GJB7: variants seen among roughly 807,000 people sequenced by gnomAD.
GJB7 encodes gap junction protein beta 7.
For synonymous variants in GJB7, 87 were observed against 95.2 expected (o/e 0.91, Z 0.50); for missense variants, 253 against 256.8 (o/e 0.99, Z 0.10).
chr6:87,298,601 C>CA (rs1005563026), intron 2 of GJB7, among the ~76,000 whole-genome samples: 8 of 151,920 alleles, frequency 5.3e-5, no homozygotes, highest in Admixed American at 2.0e-4. Context: ...CAAAACAAAA[C>CA]AAAAAAATAC....
chr6:87,307,952 A>C (rs1192945622), intron 2 of GJB7, among the ~76,000 whole-genome samples: 1 of 152,216 alleles, frequency 6.6e-6, no homozygotes, highest in East Asian at 1.9e-4. Context: ...CACTATTCAC[A>C]ATAACAAAGA....
intron 2 of GJB7, among the ~76,000 whole-genome samples, chr6:87,306,104 G>A (rs1313678818): frequency 1.3e-5 from 2 of 151,778 alleles, no homozygotes; most frequent in Non-Finnish European, 2.9e-5. Flanking sequence ...TACCATTCAG[G>A]ACATAGGCAT....
intron 1 of GJB7, among the ~76,000 whole-genome samples, chr6:87,328,333 T>A: frequency 6.6e-6 from 1 of 152,138 alleles, no homozygotes; most frequent in Non-Finnish European, 1.5e-5. Context: ...GCACTCTGCT[T>A]TTTAGAGTTT....
intron 2 of GJB7, among the ~76,000 whole-genome samples, chr6:87,287,052 T>G (rs916871918): frequency 6.6e-6 from 1 of 152,202 alleles, no homozygotes; most frequent in African/African-American, 2.4e-5. Context: ...GCCAACCCTG[T>G]CCCCTACCAT....
At chr6:87,304,455 C>A (rs1201289588) in intron 2 of GJB7, among the ~76,000 whole-genome samples, 2 of 152,120 alleles carry the variant, frequency 1.3e-5, no homozygotes, top group South Asian at 2.1e-4. Flanking sequence ...GACACATACA[C>A]CCTCCCAAGA....
chr6:87,301,932 T>C (rs1401382802), intron 2 of GJB7, among the ~76,000 whole-genome samples: 1 of 152,148 alleles, frequency 6.6e-6, no homozygotes, highest in Non-Finnish European at 1.5e-5. Flanking sequence ...CAGGAGTGGA[T>C]CTCCAGCAAA....
chr6:87,321,632 T>C (rs1776664096), intron 2 of GJB7, among the ~76,000 whole-genome samples: 1 of 152,162 alleles, frequency 6.6e-6, no homozygotes, highest in Non-Finnish European at 1.5e-5. Context: ...GGGTTGGTGA[T>C]GGTGGTGCTT....
intron 2 of GJB7, among the ~76,000 whole-genome samples, chr6:87,317,522 C>A (rs559758750): frequency 6.6e-6 from 1 of 151,674 alleles, no homozygotes; most frequent in Non-Finnish European, 1.5e-5. Flanking sequence ...CTCCGCCTCC[C>A]GGGTTCAAGC....
chr6:87,286,365 C>A (rs1776059500), intron 2 of GJB7, among the ~76,000 whole-genome samples: 2 of 152,184 alleles, frequency 1.3e-5, no homozygotes, highest in African/African-American at 4.8e-5. Context: ...TCTCTCATGA[C>A]CTTTTTAATT....
At chr6:87,297,217 T>C (rs1776259391) in intron 2 of GJB7, among the ~76,000 whole-genome samples, 2 of 152,230 alleles carry the variant, frequency 1.3e-5, no homozygotes, top group Admixed American at 1.3e-4. Flanking sequence ...TGGTTCACAT[T>C]CAATCATATT....
intron 2 of GJB7, among the ~76,000 whole-genome samples, chr6:87,287,580 G>A: frequency 6.6e-6 from 1 of 151,998 alleles, no homozygotes; most frequent in Non-Finnish European, 1.5e-5. Flanking sequence ...TAAATAAAAA[G>A]GATTCTTAAG....
intron 2 of GJB7, among the ~76,000 whole-genome samples, chr6:87,313,330 C>A (rs1454895941): frequency 3.3e-5 from 5 of 152,184 alleles, no homozygotes; most frequent in African/African-American, 1.2e-4. Flanking sequence ...TTATGGGACA[C>A]CCTTTTAGGA....
chr6:87,285,083 G>A (rs1383693223), intron 2 of GJB7, 144 bp from the exon 3 acceptor site: 1 of 606,400 alleles, frequency 1.6e-6, no homozygotes. Context: ...AATCCCGAAG[G>A]ATATGCTGTC....
At chr6:87,309,729 C>T (rs2127907187) in intron 2 of GJB7, among the ~76,000 whole-genome samples, 1 of 152,200 alleles carries the variant, frequency 6.6e-6, no homozygotes, top group East Asian at 1.9e-4. Flanking sequence ...TTTCTGGTGG[C>T]TGTAAGACAG....
intron 2 of GJB7, among the ~76,000 whole-genome samples, chr6:87,285,569 T>A (rs1182390279): frequency 6.6e-6 from 1 of 152,208 alleles, no homozygotes; most frequent in East Asian, 1.9e-4. Flanking sequence ...TTACCTTCTT[T>A]ACCCAGTTTG....
chr6:87,291,354 A>T (rs997287290), intron 2 of GJB7, among the ~76,000 whole-genome samples: 2 of 152,228 alleles, frequency 1.3e-5, no homozygotes, highest in African/African-American at 4.8e-5. Context: ...CTAGGAATCC[A>T]TGAAATACTG....
chr6:87,321,374 C>T (rs1172778081), intron 2 of GJB7, among the ~76,000 whole-genome samples: 1 of 151,962 alleles, frequency 6.6e-6, no homozygotes, highest in East Asian at 1.9e-4. Context: ...CTTTCAGGTC[C>T]CACTATGTGT....
chr6:87,327,947 CT>C (rs1169203166), intron 1 of GJB7, among the ~76,000 whole-genome samples: 7 of 146,670 alleles, frequency 4.8e-5, no homozygotes, highest in Non-Finnish European at 9.0e-5. Flanking sequence ...GGAGGCTTTG[CT>C]TGTTTCTTTT....
At chr6:87,295,123 A>G (rs1463066614) in intron 2 of GJB7, among the ~76,000 whole-genome samples, 2 of 152,222 alleles carry the variant, frequency 1.3e-5, no homozygotes, top group African/African-American at 2.4e-5. Flanking sequence ...CAAAAAAAAA[A>G]ATGGCATAAG....
Sources: allele counts gnomAD v4.1 joint callset (sites outside exome capture counted in the v4.1 genomes callset), GRCh38; gene constraint gnomAD v4.1.1; transcripts MANE v1.5; gene names NCBI Gene and HGNC (gene_info 2026-07-23, HGNC 2026-07-21).